The following LOXL2 variants were observed in gnomAD, a reference collection of about 807,000 sequenced individuals.
The protein encoded by LOXL2 is lysyl oxidase like 2, also known as lysyl oxidase homolog 2.
In LOXL2, 70 loss-of-function variants were observed where a neutral mutation model predicts 93.0. The ratio of observed to expected loss-of-function variants is 0.75; its 90% CI spans 0.62 to 0.92. LOXL2 has a LOEUF of 0.92. Among genes scored for constraint, LOXL2 ranks in the 40% least tolerant of loss-of-function variants. The pLI, the probability that LOXL2 is intolerant of heterozygous loss-of-function variation, is 0.00. For synonymous variants in LOXL2, 438 were observed against 413.2 expected, an observed-to-expected ratio of 1.06 and a Z score of -0.73; for missense variants, 973 against 1,054.9, an observed-to-expected ratio of 0.92 and a Z score of 1.08.
intron 9 of LOXL2, among the ~76,000 whole-genome samples, chr8:23,313,489 G>A (rs1391270230): frequency 6.6e-5 from 10 of 151,716 alleles, no homozygotes; most frequent in East Asian, 1.9e-4. Flanking sequence ...CAGAAATAAC[G>A]CTGCATATCT....
intron 1 of LOXL2, among the ~76,000 whole-genome samples, chr8:23,390,391 T>C (rs1422498330): frequency 1.3e-5 from 2 of 152,226 alleles, no homozygotes; most frequent in East Asian, 1.9e-4. Context: ...TCTGATCCAC[T>C]TGGCCCCTGG....
chr8:23,341,066 C>T lies in LOXL2; in HGVS notation c.669G>A (p.Thr223=), dbSNP rs369827629. 5 of 1,614,024 alleles carry T rather than the reference C, an allele frequency of 3.1e-6. No homozygotes were observed. Among genetic ancestry groups the T allele is most frequent in the Non-Finnish European group, 4.2e-6 (5 of 1,180,036 alleles). The change falls in exon 4 of 14, where the codon ACG becomes ACA. Residue 223 remains threonine, a synonymous_variant. Coordinates refer to ENST00000389131, the MANE Select transcript of LOXL2 (RefSeq NM_002318.3). Reference sequence around the variant, plus strand: ...CGCAGACCACGCGGGAATTCTTGGCCGTCCAGTGCTTGTCACAGATCTGCT... The same window carrying T: ...CGCAGACCACGCGGGAATTCTTGGCTGTCCAGTGCTTGTCACAGATCTGCT... ...TWKQICDKHW[T]AKNSRVVCGM...
chr8:23,370,201 C>T (rs1204210946), intron 1 of LOXL2, among the ~76,000 whole-genome samples: 1 of 152,144 alleles, frequency 6.6e-6, no homozygotes, highest in African/African-American at 2.4e-5. Context: ...ATCATATCAG[C>T]CTATACCAGC....
chr8:23,305,019 G>A (rs555043547), intron 10 of LOXL2, among the ~76,000 whole-genome samples: 2 of 152,238 alleles, frequency 1.3e-5, no homozygotes, highest in East Asian at 1.9e-4. Context: ...GTAAAATGAC[G>A]CTAAGCCCGG....
chr8:23,311,160 CT>C lies in LOXL2; in HGVS notation c.1637-1250del, dbSNP rs1173359739. ...AGTGAGCTCTGTCTCCCTTCTCCCC[CT>C]CCCCCTCCAGGCTTACAGGCTGCAG... On this transcript the variant is annotated intron_variant, in intron 9 of 13. Transcript: ENST00000389131. 7.9e-5 allele frequency among the ~76,000 whole-genome samples: 12 copies of C among 152,224 alleles called. 1 individual carries two copies. Among genetic ancestry groups the C allele is most frequent in the African/African-American group, 2.7e-4 (11 of 41,456 alleles).
intron 1 of LOXL2, among the ~76,000 whole-genome samples, chr8:23,391,741 C>T (rs774166007): frequency 1.3e-5 from 2 of 152,060 alleles, no homozygotes; most frequent in East Asian, 1.9e-4. Flanking sequence ...GGATGGGGCC[C>T]GTGGCATGAA....
Position 23,341,220 on chromosome 8 carries a change from G to T in LOXL2, c.532-17C>A. On this transcript the variant is annotated splice_polypyrimidine_tract_variant and intron_variant, in intron 3 of 13. Coordinates refer to ENST00000389131, the MANE Select transcript of LOXL2 (RefSeq NM_002318.3). The stretch of plus-strand genomic sequence containing the variant: ...ATTCAGGTTCTGGGAAGAAAGAGGC[G>T]TGGAAGGAGAGGGTTACCCTACTGG... 6.3e-7 allele frequency: 1 copy of T among 1,599,142 alleles called. No individual in the cohort carries two copies. The highest frequency in any genetic ancestry group is 8.6e-7 in the Non-Finnish European group (1 of 1,167,786).
chr8:23,382,778 T>A (rs1804699027), intron 1 of LOXL2, among the ~76,000 whole-genome samples: 1 of 152,196 alleles, frequency 6.6e-6, no homozygotes, highest in Non-Finnish European at 1.5e-5. Context: ...TCAGTGGTCC[T>A]GGTCCTGATT....
At chr8:23,398,307 T>A (rs930307462) in intron 1 of LOXL2, among the ~76,000 whole-genome samples, 1 of 152,200 alleles carries the variant, frequency 6.6e-6, no homozygotes, top group South Asian at 2.1e-4. Flanking sequence ...TGGCAACACA[T>A]CAAGGAGGAT....
At chr8:23,346,287 A>C (rs1356100589) in intron 3 of LOXL2, among the ~76,000 whole-genome samples, 1 of 152,120 alleles carries the variant, frequency 6.6e-6, no homozygotes. Context: ...ATTCAAGCTA[A>C]AACCTGATGC....
In LOXL2 at chr8:23,312,648, T is replaced by C. The variant is rs12550625; in HGVS notation, c.1637-2737A>G. Among the ~76,000 whole-genome samples the C allele has an allele frequency of 8.9e-3, 999 of 112,788 alleles. 32 individuals are homozygous for C. The East Asian group carries it at 0.16, about 18-fold the overall frequency. The allele number at this position is 112,788 out of a possible 152,430, so 74.0% of individuals were successfully genotyped here. Reference sequence around the variant, plus strand: ...TAAATTAGGTATTGATGGGACGTATTTCAAAATAATAAGAGCTATCTATGA... The same window carrying C: ...TAAATTAGGTATTGATGGGACGTATCTCAAAATAATAAGAGCTATCTATGA... On this transcript the variant is annotated intron_variant, in intron 9 of 13. Coordinates refer to ENST00000389131, the MANE Select transcript of LOXL2 (RefSeq NM_002318.3).
At chr8:23,371,560 G>A (rs112306368) in intron 1 of LOXL2, among the ~76,000 whole-genome samples, 18,324 of 151,632 alleles carry the variant, frequency 0.12, 1,379 homozygotes, top group Admixed American at 0.17. Context: ...AGCCCATCCC[G>A]GCTAACACGG....
At chr8:23,367,624 G>T (rs916817420) in intron 2 of LOXL2, among the ~76,000 whole-genome samples, 1 of 151,518 alleles carries the variant, frequency 6.6e-6, no homozygotes, top group Non-Finnish European at 1.5e-5. Flanking sequence ...CTGGGCTGAC[G>T]CAGCCCCCAG....
At chr8:23,306,842 G>GGGGC (rs1488417219) in intron 10 of LOXL2, among the ~76,000 whole-genome samples, 5 of 152,248 alleles carry the variant, frequency 3.3e-5, no homozygotes, top group Non-Finnish European at 5.9e-5. Flanking sequence ...TGCCAGTTGA[G>GGGGC]CAGCGGTGGC....
chr8:23,389,800 C>T (rs1804813808), intron 1 of LOXL2, among the ~76,000 whole-genome samples: 1 of 152,162 alleles, frequency 6.6e-6, no homozygotes, highest in Admixed American at 6.5e-5. Context: ...CTTTGCTTGC[C>T]TGGCCTCCGG....
intron 1 of LOXL2, among the ~76,000 whole-genome samples, chr8:23,401,872 G>T (rs1353847949): frequency 6.6e-6 from 1 of 152,232 alleles, no homozygotes; most frequent in African/African-American, 2.4e-5. Flanking sequence ...CAGCCAATGT[G>T]TGGTGTTAAG....
At chr8:23,350,237 T>C (rs1425803915) in intron 3 of LOXL2, among the ~76,000 whole-genome samples, 2 of 152,172 alleles carry the variant, frequency 1.3e-5, no homozygotes, top group African/African-American at 4.8e-5. Flanking sequence ...TCTGGCTATG[T>C]TGTAATTATC....
intron 10 of LOXL2, among the ~76,000 whole-genome samples, chr8:23,308,677 T>C (rs1361292212): frequency 6.6e-6 from 1 of 152,032 alleles, no homozygotes; most frequent in African/African-American, 2.4e-5. Flanking sequence ...AGAGGGAAGG[T>C]AAGAGGATGA....
At chr8:23,403,712 C>T (rs974722676) in intron 1 of LOXL2, among the ~76,000 whole-genome samples, 2 of 151,980 alleles carry the variant, frequency 1.3e-5, no homozygotes, top group African/African-American at 2.4e-5. Context: ...GCTCCCCGGG[C>T]GCGCCAGCAG....
Sources: gnomAD v4.1 joint callset for allele counts (sites outside exome capture counted in the v4.1 genomes callset) on GRCh38, gnomAD v4.1.1 for gene constraint, MANE v1.5 for transcripts, NCBI Gene and HGNC (gene_info 2026-07-23, HGNC 2026-07-21) for gene names.